CYP19A1: variants seen among roughly 807,000 people sequenced by gnomAD.
CYP19A1 encodes cytochrome P450 family 19 subfamily A member 1.
A neutral mutation model predicts 44.4 loss-of-function variants in CYP19A1; 32 were observed. That is an observed-to-expected ratio of 0.72 (90% CI 0.54 to 0.97). The LOEUF (loss-of-function observed/expected upper bound fraction) is 0.97. CYP19A1 is among the 50% of genes least tolerant of loss of function. The probability of loss-of-function intolerance (pLI) is 0.00; values close to 1 mark genes in which losing one functional copy is unlikely to be tolerated. For missense variants in CYP19A1, 598 were observed against 637.8 expected (o/e 0.94, Z 0.67); for synonymous variants, 212 against 215.6 (o/e 0.98, Z 0.14).
chr15:51,254,260 T>TA (rs11449435), intron 1 of CYP19A1, among the ~76,000 whole-genome samples: 18,081 of 152,240 alleles, frequency 0.12, 1,299 homozygotes, highest in African/African-American at 0.19. Context: ...CAAATAATTT[T>TA]AAAATTTTTC....
intron 2 of CYP19A1, among the ~76,000 whole-genome samples, chr15:51,241,763 C>T (rs2033783121): frequency 6.6e-6 from 1 of 152,136 alleles, no homozygotes; most frequent in South Asian, 2.1e-4. Flanking sequence ...TTAAACTGGG[C>T]ATTAAAGTAA....
At chr15:51,280,385 A>T (rs776116688) in intron 1 of CYP19A1, among the ~76,000 whole-genome samples, 3 of 152,092 alleles carry the variant, frequency 2.0e-5, no homozygotes, top group Non-Finnish European at 4.4e-5. Flanking sequence ...GGTGTGAGCC[A>T]CCACGCCCAG....
In CYP19A1 at chr15:51,212,632, AT is replaced by A. The variant is rs2031138771; in HGVS notation, c.1022-72del. On this transcript the variant is annotated intron_variant, in intron 8 of 9. Coordinates refer to ENST00000396402, the MANE Select transcript of CYP19A1 (RefSeq NM_000103.4). ...ATCTGTGATTGGTATTAAAGCTTCTATTTTTTTCCACAGAACCGTTTGCTCT... is the reference window on the plus strand; with the variant it reads ...ATCTGTGATTGGTATTAAAGCTTCTATTTTTTCCACAGAACCGTTTGCTCT... 48 of 1,037,946 alleles carry A rather than the reference AT, an allele frequency of 4.6e-5. No homozygotes were observed. The South Asian group carries it at 5.9e-4, about 13-fold the overall frequency. The allele number at this position is 1,037,946 out of a possible 1,614,324, so 64.3% of individuals were successfully genotyped here.
rs530416716 is a variant in CYP19A1, at chr15:51,283,370, G to A, written c.-38-40420C>T. On this transcript the variant is annotated intron_variant, in intron 1 of 9. Coordinates refer to ENST00000396402, the MANE Select transcript of CYP19A1 (RefSeq NM_000103.4). Reference sequence around the variant, plus strand: ...TGCAACATTAAAACCTGGAGCAATTGGTGGTGCTATACAAAATTCTATTCA... The same window carrying A: ...TGCAACATTAAAACCTGGAGCAATTAGTGGTGCTATACAAAATTCTATTCA... Among the ~76,000 whole-genome samples the A allele has an allele frequency of 2.3e-3, 348 of 152,290 alleles. 1 individual carries two copies. Among genetic ancestry groups the A allele is most frequent in the Non-Finnish European group, 4.0e-3 (269 of 68,030 alleles).
At chr15:51,226,703 A>C (rs1233894060) in intron 4 of CYP19A1, among the ~76,000 whole-genome samples, 1 of 151,254 alleles carries the variant, frequency 6.6e-6, no homozygotes, top group Admixed American at 6.6e-5. Context: ...CCAGGGTATG[A>C]TTATCTTTCT....
chr15:51,330,183 G>C (rs747072568), intron 1 of CYP19A1, among the ~76,000 whole-genome samples: 1 of 152,134 alleles, frequency 6.6e-6, no homozygotes, highest in Non-Finnish European at 1.5e-5. Context: ...GTAGGCAGGG[G>C]TGGGGTTGTG....
At position 51,222,447 on chromosome 15, in the gene CYP19A1, TC is replaced by T. The variant is rs1459441310; in HGVS notation, c.529del (p.Glu177ArgfsTer2). 1 of 1,614,136 alleles carries T rather than the reference TC, an allele frequency of 6.2e-7. No homozygotes were observed. The highest frequency in any genetic ancestry group is 8.5e-7 in the Non-Finnish European group (1 of 1,180,020). ...SLKTHLDRLE[E>X]VTNESGYVDV... ...CACATAGCCCGATTCATTGGTCACCTCCTCCAACCTGTCCAGATGTGTTTTG... is the reference window on the plus strand; with the variant it reads ...CACATAGCCCGATTCATTGGTCACCTCTCCAACCTGTCCAGATGTGTTTTG... On this transcript the variant is annotated frameshift_variant, in exon 5 of 10. Coordinates refer to ENST00000396402, the MANE Select transcript of CYP19A1 (RefSeq NM_000103.4). LOFTEE classifies it high-confidence loss of function.
At chr15:51,321,119 G>A (rs77553464) in intron 1 of CYP19A1, 3,875 of 152,844 alleles carry the variant, frequency 0.025, 64 homozygotes, top group Non-Finnish European at 0.041. Context: ...GGGCCTTGCT[G>A]TCTCTTGCCC....
chr15:51,308,516 G>A (rs990382655), intron 1 of CYP19A1, among the ~76,000 whole-genome samples: 2 of 152,096 alleles, frequency 1.3e-5, no homozygotes, highest in African/African-American at 2.4e-5. Flanking sequence ...GCTTCCCAGT[G>A]GGCATCTTCC....
intron 4 of CYP19A1, among the ~76,000 whole-genome samples, chr15:51,227,474 C>G (rs1253683326): frequency 6.6e-6 from 1 of 151,912 alleles, no homozygotes; most frequent in Non-Finnish European, 1.5e-5. Context: ...TGAGCCCAGC[C>G]TGGTCTCAAA....
chr15:51,262,031 G>A (rs531228833), intron 1 of CYP19A1, among the ~76,000 whole-genome samples: 122 of 152,342 alleles, frequency 8.0e-4, no homozygotes, highest in Non-Finnish European at 1.6e-3. Context: ...ATTGTGACAT[G>A]TTGGTCATGG....
rs543612811 is a variant in CYP19A1 at position 51,235,052 on chromosome 15, C to T, written c.296+1807G>A. ...GCTGTGCGGGGAAATGAAAGAGCAGCGGCAAATGTCCCTACCCCCAAACCC... is the reference window on the plus strand; with the variant it reads ...GCTGTGCGGGGAAATGAAAGAGCAGTGGCAAATGTCCCTACCCCCAAACCC... On this transcript the variant is annotated intron_variant, in intron 3 of 9. Transcript: ENST00000396402. Among the ~76,000 whole-genome samples, 6 of 152,224 alleles carry T rather than the reference C, an allele frequency of 3.9e-5. No individual in the cohort carries two copies. The East Asian group carries it at 5.8e-4, about 15-fold the overall frequency.
At chr15:51,332,628 A>G (rs1213493389) in intron 1 of CYP19A1, among the ~76,000 whole-genome samples, 1 of 152,092 alleles carries the variant, frequency 6.6e-6, no homozygotes, top group Non-Finnish European at 1.5e-5. Context: ...GTTTGGTTAG[A>G]TCTTAACACC....
intron 1 of CYP19A1, among the ~76,000 whole-genome samples, chr15:51,279,524 G>C (rs756346404): frequency 2.0e-5 from 3 of 152,224 alleles, no homozygotes; most frequent in Non-Finnish European, 4.4e-5. Flanking sequence ...ACCTGGGCAA[G>C]TGGGATGTGG....
chr15:51,290,470 T>A (rs1458142438), intron 1 of CYP19A1, among the ~76,000 whole-genome samples: 2 of 152,218 alleles, frequency 1.3e-5, no homozygotes, highest in East Asian at 3.8e-4. Context: ...TGGCTACACA[T>A]CCTGTTCAAT....
chr15:51,317,824 A>G (rs979043645), intron 1 of CYP19A1, among the ~76,000 whole-genome samples: 5 of 152,238 alleles, frequency 3.3e-5, no homozygotes, highest in Admixed American at 6.5e-5. Context: ...GGACTTGTCC[A>G]AGGTCACCCA....
intron 1 of CYP19A1, among the ~76,000 whole-genome samples, chr15:51,266,507 G>C (rs895795860): frequency 6.6e-5 from 10 of 152,242 alleles, no homozygotes; most frequent in African/African-American, 2.2e-4. Context: ...ACAAGCTTCT[G>C]CCAGTCCTTC....
At chr15:51,234,813 A>C (rs1176256183) in intron 3 of CYP19A1, among the ~76,000 whole-genome samples, 2 of 152,082 alleles carry the variant, frequency 1.3e-5, no homozygotes, top group African/African-American at 4.8e-5. Flanking sequence ...CTGATCTAAA[A>C]GTGGGGGTGT....
At chr15:51,325,053 A>G (rs539661745) in intron 1 of CYP19A1, among the ~76,000 whole-genome samples, 2 of 152,296 alleles carry the variant, frequency 1.3e-5, no homozygotes, top group South Asian at 4.1e-4. Flanking sequence ...GAATTCCTGA[A>G]CCAGGTAAAA....
Sources: allele counts gnomAD v4.1 joint callset (sites outside exome capture counted in the v4.1 genomes callset), GRCh38; gene constraint gnomAD v4.1.1; transcripts MANE v1.5; gene names NCBI Gene and HGNC (gene_info 2026-07-23, HGNC 2026-07-21).